ZNF490: variants seen among roughly 807,000 people sequenced by gnomAD.
ZNF490 encodes the protein zinc finger protein 490.
Under a neutral mutation model 17.7 loss-of-function variants are expected in ZNF490, and 11 were observed. The ratio of observed to expected loss-of-function variants is 0.62; its 90% CI spans 0.39 to 1.03. The LOEUF is 1.03. Among genes scored for constraint, ZNF490 ranks in the 50% least tolerant of loss-of-function variants. The pLI, the probability that ZNF490 is intolerant of heterozygous loss-of-function variation, is 0.00. For synonymous variants in ZNF490, 222 were observed against 216.1 expected (o/e 1.03, Z -0.24); for missense variants, 542 against 643.4 (o/e 0.84, Z 1.71).
intron 2 of ZNF490, among the ~76,000 whole-genome samples, chr19:12,603,117 A>G (rs2023026502): frequency 6.6e-6 from 1 of 152,140 alleles, no homozygotes; most frequent in Admixed American, 6.6e-5. Context: ...ATTGTGAAAT[A>G]TATAATTTGG....
chr19:12,576,813 CAAAAAA>C lies in ZNF490; in HGVS notation c.*3666_*3671del, dbSNP rs149742929. Among the ~76,000 whole-genome samples, 4 of 37,558 alleles carry C rather than the reference CAAAAAA, an allele frequency of 1.1e-4. No homozygotes were observed. The highest frequency in any genetic ancestry group is 4.1e-4 in the African/African-American group (4 of 9,704). 24.6% of individuals were successfully genotyped at this position (37,558 alleles called of 152,430 possible). ...GCCTGGCAACAGTGAGAATCCATCT[CAAAAAA>C]AAAAAAAAAAAAAAAAACCTAAAAG... is the stretch of plus-strand genomic sequence containing the variant. On this transcript the variant is annotated 3_prime_UTR_variant, in exon 5 of 5. Coordinates refer to ENST00000311437, the MANE Select transcript of ZNF490 (RefSeq NM_020714.3).
rs1319093839 is a variant in ZNF490, at chr19:12,578,631, G to A, written c.*1854C>T. The A allele has an allele frequency of 2.0e-6, 2 of 985,352 alleles. No individual in the cohort carries two copies. The highest frequency in any genetic ancestry group is 6.2e-5 in the Admixed American group (1 of 16,254). The allele number at this position is 985,352 out of a possible 1,614,324, so 61.0% of individuals were successfully genotyped here. A position where few individuals can be genotyped will look rare whatever the true frequency, so the allele number is the denominator to read the frequency against. ...GGCAGATCCCACTTGGGGAAAAACT[G>A]TAAGATGCGAACCTTTGTCTTAGAA... On this transcript the variant is annotated 3_prime_UTR_variant, in exon 5 of 5. Transcript: ENST00000311437.
chr19:12,597,288 A>ATGT (rs2145157337), intron 2 of ZNF490: 2 of 435,342 alleles, frequency 4.6e-6, no homozygotes, highest in South Asian at 1.6e-5. Context: ...TAGAATAAGG[A>ATGT]TGTTCACACG....
Position 12,610,688 on chromosome 19 carries a change from C to G in ZNF490, c.-8G>C, listed in dbSNP as rs769397893. 2 of 1,612,902 alleles carry G rather than the reference C, an allele frequency of 1.2e-6. No individual in the cohort carries two copies. The highest frequency in any genetic ancestry group is 1.7e-6 in the Non-Finnish European group (2 of 1,179,510). ...ACTGGAATTCCTGCGCATCCCTGTCCCCGCATCCAGAAACACTGCAGGAAG... is the reference window on the plus strand; with the variant it reads ...ACTGGAATTCCTGCGCATCCCTGTCGCCGCATCCAGAAACACTGCAGGAAG... On this transcript the variant is annotated 5_prime_UTR_variant, in exon 1 of 5. Transcript: ENST00000311437.
intron 2 of ZNF490, among the ~76,000 whole-genome samples, chr19:12,596,306 A>G (rs982145541): frequency 2.0e-5 from 3 of 151,386 alleles, no homozygotes; most frequent in Non-Finnish European, 2.9e-5. Flanking sequence ...AATCCAAGGG[A>G]AAGAAACGCA....
At chr19:12,601,085 C>CA (rs539745562) in intron 2 of ZNF490, among the ~76,000 whole-genome samples, 323 of 110,260 alleles carry the variant, frequency 2.9e-3, no homozygotes, top group African/African-American at 5.3e-3. Context: ...GACCCTGTCT[C>CA]AAAAAAAAAA....
intron 2 of ZNF490, among the ~76,000 whole-genome samples, chr19:12,606,744 C>T (rs2145168864): frequency 6.6e-6 from 1 of 152,104 alleles, no homozygotes; most frequent in African/African-American, 2.4e-5. Context: ...TTTTAATGAT[C>T]AGCAAAGGCC....
rs946379067 is a variant in ZNF490, at chr19:12,578,091, C to A, written c.*2394G>T. The A allele has an allele frequency of 1.1e-4, 106 of 985,356 alleles. No individual in the cohort carries two copies. Among genetic ancestry groups the A allele is most frequent in the Admixed American group, 1.2e-4 (2 of 16,256 alleles). The allele number at this position is 985,356 out of a possible 1,614,324, so 61.0% of individuals were successfully genotyped here. A position where few individuals can be genotyped will look rare whatever the true frequency, so the allele number is the denominator to read the frequency against. Reference sequence around the variant, plus strand: ...AGAGCTGGAGCGCTGCAGGGTGGGTCCTTTTCCAAGAAGAGCTAAGTGCTA... The same window carrying A: ...AGAGCTGGAGCGCTGCAGGGTGGGTACTTTTCCAAGAAGAGCTAAGTGCTA... On this transcript the variant is annotated 3_prime_UTR_variant, in exon 5 of 5. Coordinates refer to ENST00000311437, the MANE Select transcript of ZNF490 (RefSeq NM_020714.3).
intron 2 of ZNF490, among the ~76,000 whole-genome samples, 200 bp from the exon 3 acceptor site, chr19:12,583,756 G>GCTCTCTCGCTCTCT (rs2022771936): frequency 1.0e-4 from 3 of 29,750 alleles, no homozygotes; most frequent in Non-Finnish European, 2.1e-4. Context: ...AAATTATTGC[G>GCTCTCTCGCTCTCT]CTCTCTCTCT....
rs979227406 is a variant in ZNF490 at position 12,577,763 on chromosome 19, C to G, written c.*2722G>C. ...GAGGCCTAAAGAGTTCCGACCCGAG[C>G]GACACAAAGATCACTTCTGGGACCC... On this transcript the variant is annotated 3_prime_UTR_variant, in exon 5 of 5. Transcript: ENST00000311437. 2.0e-6 allele frequency: 2 copies of G among 985,340 alleles called. No homozygotes were observed. Among genetic ancestry groups the G allele is most frequent in the African/African-American group, 1.7e-5 (1 of 57,218 alleles). The allele number at this position is 985,340 out of a possible 1,614,324, so 61.0% of individuals were successfully genotyped here. A position where few individuals can be genotyped will look rare whatever the true frequency, so the allele number is the denominator to read the frequency against.
At chr19:12,602,660 G>A (rs976171788) in intron 2 of ZNF490, among the ~76,000 whole-genome samples, 2 of 149,296 alleles carry the variant, frequency 1.3e-5, no homozygotes, top group African/African-American at 4.9e-5. Context: ...GTTTCACTAT[G>A]GTTATGCAGG....
intron 2 of ZNF490, among the ~76,000 whole-genome samples, chr19:12,593,983 G>A (rs1271483558): frequency 6.6e-6 from 1 of 152,206 alleles, no homozygotes; most frequent in African/African-American, 2.4e-5. Context: ...GGCAAAATGA[G>A]CAGTTGAGTA....
In ZNF490 at chr19:12,579,751, C is replaced by T; in HGVS notation, c.*734G>A. On this transcript the variant is annotated 3_prime_UTR_variant, in exon 5 of 5. Coordinates refer to ENST00000311437, the MANE Select transcript of ZNF490 (RefSeq NM_020714.3). ...GCTTGAACCCAGAGGTTACAGTGAGCCAGGATCACACCACTGCACTCCAGC... is the reference window on the plus strand; with the variant it reads ...GCTTGAACCCAGAGGTTACAGTGAGTCAGGATCACACCACTGCACTCCAGC... 1 of 152,262 alleles carries T rather than the reference C, an allele frequency of 6.6e-6. No homozygotes were observed. The highest frequency in any genetic ancestry group is 1.5e-5 in the Non-Finnish European group (1 of 68,132). 9.4% of individuals were successfully genotyped at this position (152,262 alleles called of 1,614,324 possible).
intron 2 of ZNF490, among the ~76,000 whole-genome samples, chr19:12,605,495 AAAC>A (rs953108634): frequency 2.0e-5 from 3 of 152,124 alleles, no homozygotes; most frequent in Non-Finnish European, 4.4e-5. Context: ...AAAAAAAAAA[AAAC>A]ACTTTGTAAT....
chr19:12,609,488 G>T (rs1182228050), intron 1 of ZNF490, among the ~76,000 whole-genome samples: 3 of 152,110 alleles, frequency 2.0e-5, no homozygotes, highest in African/African-American at 7.2e-5. Flanking sequence ...TCTTAGCCTT[G>T]AGATCCTTCT....
At position 12,610,585 on chromosome 19, in the gene ZNF490, T is replaced by C; in HGVS notation, c.96A>G (p.Thr32=). 6.2e-7 allele frequency: 1 copy of C among 1,614,048 alleles called. No homozygotes were observed. The change falls in exon 1 of 5, where the codon ACA becomes ACG. Residue 32 remains threonine, a synonymous_variant. Coordinates refer to ENST00000311437, the MANE Select transcript of ZNF490 (RefSeq NM_020714.3). ...KWSSSQGRTG[T]GGSDVLQMQN... The stretch of plus-strand genomic sequence containing the variant: ...GTACCTGGAGGACATCAGACCCTCC[T>C]GTTCCTGTGCGGCCTTGACTAGACG...
Position 12,578,937 on chromosome 19 carries a change from G to C in ZNF490, c.*1548C>G. The C allele has an allele frequency of 1.0e-6, 1 of 985,496 alleles. No homozygotes were observed. Among genetic ancestry groups the C allele is most frequent in the South Asian group, 4.7e-5 (1 of 21,294 alleles). 61.0% of individuals were successfully genotyped at this position (985,496 alleles called of 1,614,324 possible). ...TTACATTTAAGAAGGTGGCTCTCCAGTGTGGGTGGTTTCATGGTTTTAAAA... is the reference window on the plus strand; with the variant it reads ...TTACATTTAAGAAGGTGGCTCTCCACTGTGGGTGGTTTCATGGTTTTAAAA... On this transcript the variant is annotated 3_prime_UTR_variant, in exon 5 of 5. Coordinates refer to ENST00000311437, the MANE Select transcript of ZNF490 (RefSeq NM_020714.3).
chr19:12,609,180 C>T lies in ZNF490; in HGVS notation c.140G>A (p.Gly47Glu), dbSNP rs1427151460. 6.2e-7 allele frequency: 1 copy of T among 1,613,998 alleles called. No individual in the cohort carries two copies. The change falls in exon 2 of 5, where the codon GGA becomes GAA. Residue 47 changes from glycine to glutamate, a missense_variant. Physicochemically the swap from Gly to Glu is moderately conservative, Grantham distance 98. Transcript: ENST00000311437. ...TACAGTTTGAGTCTTGATGCTTTGT[C>T]CATGGTGTTCACTGTTCTGCATCTA... The part of the protein sequence containing the change: ...VLQMQNSEHH[G>E]QSIKTQTDSI...
intron 2 of ZNF490, among the ~76,000 whole-genome samples, chr19:12,595,967 G>C (rs1599310145): frequency 6.7e-6 from 1 of 150,052 alleles, no homozygotes; most frequent in Middle Eastern, 3.5e-3. Context: ...AAAAGAAAAA[G>C]AAAAAAAGGT....
Sources: allele counts gnomAD v4.1 joint callset (sites outside exome capture counted in the v4.1 genomes callset), GRCh38; gene constraint gnomAD v4.1.1; transcripts MANE v1.5; gene names NCBI Gene and HGNC (gene_info 2026-07-23, HGNC 2026-07-21).